Variants in RASA3 observed in about 807,000 individuals in gnomAD.
The protein encoded by RASA3 is ras GTPase-activating protein 3.
A neutral mutation model predicts 110.0 loss-of-function variants in RASA3; 73 were observed. That is an observed-to-expected ratio of 0.66 (90% CI 0.55 to 0.81). RASA3 has a LOEUF of 0.81. RASA3 is among the 30% of genes least tolerant of loss of function. RASA3 has a pLI of 0.00. For synonymous variants in RASA3, 500 were observed against 451.4 expected, an observed-to-expected ratio of 1.11 and a Z score of -1.37; for missense variants, 976 against 1,113.2, an observed-to-expected ratio of 0.88 and a Z score of 1.75.
chr13:114,042,737 T>C (rs546337615), intron 3 of RASA3, among the ~76,000 whole-genome samples: 70 of 152,278 alleles, frequency 4.6e-4, no homozygotes, highest in Non-Finnish European at 9.1e-4. Flanking sequence ...CAGGCTCCCA[T>C]CGGAACAACC....
chr13:114,030,827 C>CTG (rs756212272), intron 4 of RASA3, among the ~76,000 whole-genome samples: 1 of 151,038 alleles, frequency 6.6e-6, no homozygotes, highest in Non-Finnish European at 1.5e-5. Context: ...GTGCATCTGG[C>CTG]TGTGTGTGTG....
At chr13:114,004,327 G>T (rs1312395515) in intron 18 of RASA3, among the ~76,000 whole-genome samples, 2 of 150,498 alleles carry the variant, frequency 1.3e-5, no homozygotes, top group Non-Finnish European at 2.9e-5. Flanking sequence ...ATCCAACAGG[G>T]GACTAACAGC....
intron 2 of RASA3, among the ~76,000 whole-genome samples, chr13:114,068,983 C>T (rs2079505183): frequency 1.3e-5 from 2 of 152,174 alleles, no homozygotes; most frequent in Admixed American, 6.5e-5. Flanking sequence ...GACGCTCTCC[C>T]CAGACGTCGG....
intron 2 of RASA3, among the ~76,000 whole-genome samples, chr13:114,059,462 C>G (rs1005569042): frequency 1.3e-5 from 2 of 152,280 alleles, no homozygotes; most frequent in African/African-American, 4.8e-5. Context: ...CACAGGTGCC[C>G]ACACGGGCCT....
At chr13:114,050,143 G>A (rs2079121043) in intron 3 of RASA3, among the ~76,000 whole-genome samples, 1 of 152,198 alleles carries the variant, frequency 6.6e-6, no homozygotes, top group Non-Finnish European at 1.5e-5. Flanking sequence ...GCTTGAACGC[G>A]ACATAAAGCT....
intron 23 of RASA3, among the ~76,000 whole-genome samples, chr13:113,980,263 A>G (rs2052895115): frequency 1.7e-5 from 2 of 120,286 alleles, no homozygotes; most frequent in African/African-American, 3.4e-5. Context: ...CTTCTCCCAC[A>G]TGTGCGCACC....
chr13:114,077,877 A>T (rs2079718794), intron 1 of RASA3: 3 of 983,746 alleles, frequency 3.0e-6, no homozygotes, highest in Admixed American at 1.2e-4. Flanking sequence ...GATGCATTTA[A>T]TAAAAAAAAA....
At chr13:114,129,411 A>G (rs1339920900) in intron 1 of RASA3, among the ~76,000 whole-genome samples, 3 of 152,164 alleles carry the variant, frequency 2.0e-5, no homozygotes, top group Non-Finnish European at 4.4e-5. Context: ...TCCTCTTATT[A>G]CCTCACCTGC....
chr13:114,076,639 AC>A (rs951163484), intron 1 of RASA3, among the ~76,000 whole-genome samples: 3 of 152,128 alleles, frequency 2.0e-5, no homozygotes, highest in African/African-American at 7.2e-5. Flanking sequence ...GAAGGGGAGA[AC>A]ATGGCCGGCG....
At chr13:114,024,379 C>G in intron 7 of RASA3, 24 bp from the exon 8 acceptor site, 2 of 1,609,650 alleles carry the variant, frequency 1.2e-6, no homozygotes, top group African/African-American at 2.7e-5. Flanking sequence ...AGAGAGAAAG[C>G]GCTGAGACCG....
intron 1 of RASA3, among the ~76,000 whole-genome samples, chr13:114,126,276 G>A (rs545182465): frequency 5.3e-5 from 8 of 152,302 alleles, no homozygotes; most frequent in East Asian, 3.9e-4. Flanking sequence ...ACGGGACCCC[G>A]TGTGGCCCCT....
chr13:114,072,914 G>A (rs2139667595), intron 2 of RASA3, among the ~76,000 whole-genome samples: 2 of 138,538 alleles, frequency 1.4e-5, no homozygotes, highest in African/African-American at 3.1e-5. Context: ...GGACAGTGAT[G>A]TACACGCTCA....
intron 21 of RASA3, among the ~76,000 whole-genome samples, chr13:113,993,805 C>CT (rs2053172049): frequency 1.7e-4 from 7 of 41,348 alleles, no homozygotes; most frequent in Non-Finnish European, 8.0e-5. Flanking sequence ...GAGACTCTGC[C>CT]TAAAAAAAAA....
At position 113,996,734 on chromosome 13, in the gene RASA3, G is replaced by A. The variant is rs1411875199; in HGVS notation, c.1938C>T (p.Phe646=). The A allele has an allele frequency of 6.2e-7, 1 of 1,613,472 alleles. No individual in the cohort carries two copies. The highest frequency in any genetic ancestry group is 1.7e-5 in the Admixed American group (1 of 60,024). The change falls in exon 21 of 24, where the codon TTC becomes TTT. Residue 646 remains phenylalanine (F), a synonymous_variant. Transcript: ENST00000334062. The stretch of plus-strand genomic sequence containing the variant: ...GCGCACGCTCTGGCTGGATGACCTG[G>A]AACATCTGAGGACACAGGTGGGCTC... ...EEESFKMKNM[F]QVIQPERALY...
intron 1 of RASA3, among the ~76,000 whole-genome samples, chr13:114,076,350 A>G (rs2079681288): frequency 6.6e-6 from 1 of 152,164 alleles, no homozygotes. Context: ...CTCTCCCGGG[A>G]TGCGCCTTCT....
At chr13:113,982,123 C>T (rs113062145) in intron 22 of RASA3, among the ~76,000 whole-genome samples, 5 of 152,300 alleles carry the variant, frequency 3.3e-5, no homozygotes, top group African/African-American at 1.2e-4. Flanking sequence ...GGCTCTGCTG[C>T]CCCTAGCTCC....
At chr13:114,073,347 T>C (rs71449065) in intron 2 of RASA3, among the ~76,000 whole-genome samples, 8 of 109,478 alleles carry the variant, frequency 7.3e-5, no homozygotes, top group South Asian at 3.4e-4. Flanking sequence ...TGTACATGCT[T>C]GGGACACTGT....
chr13:114,041,480 G>C (rs759592051), intron 3 of RASA3, among the ~76,000 whole-genome samples: 1 of 152,366 alleles, frequency 6.6e-6, no homozygotes, highest in Non-Finnish European at 1.5e-5. Context: ...CCGCTCCATC[G>C]GCAATGTGCG....
intron 21 of RASA3, among the ~76,000 whole-genome samples, chr13:113,993,259 T>C (rs2053159776): frequency 6.6e-6 from 1 of 152,132 alleles, no homozygotes; most frequent in Non-Finnish European, 1.5e-5. Context: ...CACTGAAACC[T>C]ACGCTTTCTG....
Sources: gnomAD v4.1 joint callset for allele counts (sites outside exome capture counted in the v4.1 genomes callset) on GRCh38, gnomAD v4.1.1 for gene constraint, MANE v1.5 for transcripts, NCBI Gene and HGNC (gene_info 2026-07-23, HGNC 2026-07-21) for gene names.